Variants in NIN observed in about 807,000 individuals in gnomAD.
NIN encodes glycogen synthase kinase 3 beta-interacting protein.
In NIN, 137 loss-of-function variants were observed where a neutral mutation model predicts 257.6. The observed-to-expected ratio is 0.53, with a 90% confidence interval of 0.46 to 0.61. The LOEUF is 0.61. Among genes scored for constraint, NIN ranks in the 20% least tolerant of loss-of-function variants. The pLI is 0.00. For synonymous variants in NIN, 918 were observed against 919.8 expected, an observed-to-expected ratio of 1.00 and a Z score of 0.04; for missense variants, 2,439 against 2,501.2, an observed-to-expected ratio of 0.98 and a Z score of 0.53.
intron 2 of NIN, among the ~76,000 whole-genome samples, chr14:50,824,541 T>A (rs530322406): frequency 6.6e-6 from 1 of 152,358 alleles, no homozygotes; most frequent in Non-Finnish European, 1.5e-5. Context: ...TACTGGTTGA[T>A]ATTATTTCCC....
intron 7 of NIN, among the ~76,000 whole-genome samples, chr14:50,775,141 G>C (rs1282960473): frequency 1.3e-5 from 2 of 152,182 alleles, no homozygotes; most frequent in Non-Finnish European, 2.9e-5. Flanking sequence ...CAAAGGGGCT[G>C]GCTGCATCTT....
In NIN at chr14:50,737,839, G is replaced by A. The variant is rs190560544; in HGVS notation, c.5775+301C>T. 2.3e-3 allele frequency among the ~76,000 whole-genome samples: 356 copies of A among 152,036 alleles called. 2 individuals carry two copies. The highest frequency in any genetic ancestry group is 4.4e-3 in the Non-Finnish European group (302 of 67,976). ...TTTGTGTTTTTTTAGTAGAGATGGA[G>A]TTTTACCGTATTGGTCAGGCTGGTC... On this transcript the variant is annotated intron_variant, in intron 27 of 30. Transcript: ENST00000530997.
chr14:50,735,371 TA>T, intron 28 of NIN, 144 bp downstream of exon 28: 1 of 1,201,796 alleles, frequency 8.3e-7, no homozygotes, highest in Non-Finnish European at 1.1e-6. Context: ...TTAAACTTGG[TA>T]AGGCGGACCA....
intron 2 of NIN, chr14:50,823,290 G>A (rs145851076): frequency 1.0e-4 from 59 of 571,222 alleles, no homozygotes; most frequent in African/African-American, 3.9e-4. Flanking sequence ...CCCTTGGGAC[G>A]GTGACCTCAG....
intron 5 of NIN, among the ~76,000 whole-genome samples, chr14:50,789,789 T>C (rs1384182882): frequency 6.6e-6 from 1 of 152,212 alleles, no homozygotes; most frequent in East Asian, 1.9e-4. Flanking sequence ...CAGAGCAAGC[T>C]TGTGCTGCCC....
Position 50,752,513 on chromosome 14 carries a change from C to T in NIN, c.4950+5G>A. The T allele has an allele frequency of 1.9e-6, 3 of 1,607,914 alleles. No individual in the cohort carries two copies. The South Asian group carries it at 3.3e-5, about 18-fold the overall frequency. On this transcript the variant is annotated splice_donor_5th_base_variant and intron_variant, in intron 21 of 30. Coordinates refer to ENST00000530997, the MANE Select transcript of NIN (RefSeq NM_020921.4). Reference sequence around the variant, plus strand: ...AAAAAGCTGTCAGGTGGCTACAGGCCATACCTGCACTTTACAACGTTCCAG... The same window carrying T: ...AAAAAGCTGTCAGGTGGCTACAGGCTATACCTGCACTTTACAACGTTCCAG...
At chr14:50,749,620 T>C (rs939317785) in intron 21 of NIN, among the ~76,000 whole-genome samples, 1 of 152,214 alleles carries the variant, frequency 6.6e-6, no homozygotes, top group African/African-American at 2.4e-5. Context: ...ATTTATTAAT[T>C]GGAATTAGAG....
chr14:50,783,650 G>A (rs1463326669), intron 5 of NIN, among the ~76,000 whole-genome samples: 1 of 152,078 alleles, frequency 6.6e-6, no homozygotes, highest in African/African-American at 2.4e-5. Flanking sequence ...TGCTATTTCA[G>A]GGGGGTGGGT....
rs1310465263 is a variant in NIN at position 50,772,412 on chromosome 14, A to C, written c.870T>G (p.Ile290Met). ...TTTSSAMTST[I>M]GFRVFSCLDD... ...CCAGGCAGGAGAAGACCCGAAAGCC[A>C]ATGGTACTTGTCATTGCTGATGAGG... Residue 290 changes from isoleucine (I) to methionine (M), a missense_variant, in exon 9 of 31, where the codon ATT (isoleucine) becomes ATG (methionine). Ile to Met is a conservative substitution (Grantham distance 10). Coordinates refer to ENST00000530997, the MANE Select transcript of NIN (RefSeq NM_020921.4). 1.2e-6 allele frequency: 2 copies of C among 1,614,080 alleles called. No homozygotes were observed. Among genetic ancestry groups the C allele is most frequent in the Non-Finnish European group, 8.5e-7 (1 of 1,180,032 alleles).
At chr14:50,813,060 G>A (rs1345478551) in intron 3 of NIN, among the ~76,000 whole-genome samples, 3 of 152,112 alleles carry the variant, frequency 2.0e-5, no homozygotes, top group Non-Finnish European at 4.4e-5. Flanking sequence ...GGAGGCGACC[G>A]CTATTTTCCA....
At chr14:50,755,648 CTTTTTTTTTT>C (rs71118900) in intron 18 of NIN, among the ~76,000 whole-genome samples, 2 of 79,992 alleles carry the variant, frequency 2.5e-5, no homozygotes, top group African/African-American at 6.5e-5. Context: ...TGTTTTGTCT[CTTTTTTTTTT>C]TTTTTTTTTT....
intron 3 of NIN, among the ~76,000 whole-genome samples, chr14:50,817,996 G>A (rs566444866): frequency 1.5e-4 from 22 of 151,376 alleles, no homozygotes; most frequent in African/African-American, 4.6e-4. Context: ...GATTACAGGC[G>A]TGAGTCACCG....
intron 21 of NIN, among the ~76,000 whole-genome samples, chr14:50,752,070 C>T (rs2041810710): frequency 6.6e-6 from 1 of 151,626 alleles, no homozygotes; most frequent in African/African-American, 2.4e-5. Flanking sequence ...CTTTTATTGC[C>T]TCCGGTTTTT....
intron 20 of NIN, 27 bp from the exon 21 acceptor site, chr14:50,752,760 A>T: frequency 7.2e-7 from 1 of 1,395,680 alleles, no homozygotes; most frequent in Non-Finnish European, 9.8e-7. Context: ...TAAGTTTTTC[A>T]AACTTGTTAC....
intron 5 of NIN, among the ~76,000 whole-genome samples, chr14:50,780,926 G>A (rs2043110569): frequency 6.6e-6 from 1 of 152,176 alleles, no homozygotes; most frequent in Non-Finnish European, 1.5e-5. Flanking sequence ...GTGGATGTCT[G>A]AGGCATGGTG....
chr14:50,725,939 C>G lies in NIN; in HGVS notation c.6192+14G>C, dbSNP rs2040391707. ...ATGTGAGGTGGGTGAACAGAGATGA[C>G]CGGGTAGGCTCACTTGTTCTTTGAG... On this transcript the variant is annotated intron_variant, in intron 30 of 30. Coordinates refer to ENST00000530997, the MANE Select transcript of NIN (RefSeq NM_020921.4). 1.2e-6 allele frequency: 2 copies of G among 1,613,854 alleles called. No homozygotes were observed. The highest frequency in any genetic ancestry group is 2.7e-5 in the African/African-American group (2 of 74,902).
At chr14:50,779,804 T>C (rs2043062595) in intron 5 of NIN, among the ~76,000 whole-genome samples, 1 of 151,520 alleles carries the variant, frequency 6.6e-6, no homozygotes, top group Non-Finnish European at 1.5e-5. Context: ...TGTTATCTGC[T>C]GAAGCAAGGA....
intron 15 of NIN, 83 bp from the exon 16 acceptor site, chr14:50,761,994 A>T: frequency 7.0e-7 from 1 of 1,436,830 alleles, no homozygotes; most frequent in Non-Finnish European, 9.7e-7. Context: ...CATCCAGTTT[A>T]ACTAAGGAAT....
intron 5 of NIN, among the ~76,000 whole-genome samples, chr14:50,789,301 G>C (rs2043478730): frequency 1.3e-5 from 2 of 152,204 alleles, no homozygotes; most frequent in Admixed American, 1.3e-4. Context: ...GAGGCCGGGA[G>C]CGGTGGCTCA....
Sources: allele counts gnomAD v4.1 joint callset (sites outside exome capture counted in the v4.1 genomes callset), GRCh38; gene constraint gnomAD v4.1.1; transcripts MANE v1.5; gene names NCBI Gene and HGNC (gene_info 2026-07-23, HGNC 2026-07-21).